Variants in CLSTN2 observed in about 807,000 individuals in gnomAD.
CLSTN2 encodes the protein calsyntenin-2.
A neutral mutation model predicts 101.2 loss-of-function variants in CLSTN2; 48 were observed. The ratio of observed to expected loss-of-function variants is 0.47; its 90% CI spans 0.38 to 0.60. The LOEUF (loss-of-function observed/expected upper bound fraction) is 0.60, where lower values mean the gene tolerates loss of function less well. Ranked by LOEUF, CLSTN2 falls within the 20% of genes least tolerant of loss-of-function variation. The pLI is 0.00. For missense variants in CLSTN2, 1,160 were observed against 1,238.2 expected, an observed-to-expected ratio of 0.94 and a Z score of 0.95; for synonymous variants, 481 against 463.6, an observed-to-expected ratio of 1.04 and a Z score of -0.48.
At chr3:140,355,559 T>G (rs76782475) in intron 2 of CLSTN2, among the ~76,000 whole-genome samples, 2,526 of 152,302 alleles carry the variant, frequency 0.017, 64 homozygotes, top group African/African-American at 0.058. Flanking sequence ...CTGCTAAATT[T>G]CAGGGATGAA....
In CLSTN2 at chr3:140,270,457, C is replaced by T. The variant is rs1295004983; in HGVS notation, c.232+94384C>T. ...AGGGTCCCTGGTTGGGAGGTGTCTG[C>T]CGTCCGGTTGTTAGGGAAGAATTTA... On this transcript the variant is annotated intron_variant, in intron 2 of 16. Coordinates refer to ENST00000458420, the MANE Select transcript of CLSTN2 (RefSeq NM_022131.3). Among the ~76,000 whole-genome samples the T allele has an allele frequency of 4.6e-5, 7 of 152,250 alleles. No individual in the cohort carries two copies. The East Asian group carries it at 9.6e-4, about 21-fold the overall frequency.
At chr3:140,061,170 G>A (rs375769002) in intron 1 of CLSTN2, among the ~76,000 whole-genome samples, 34 of 152,140 alleles carry the variant, frequency 2.2e-4, no homozygotes, top group African/African-American at 8.2e-4. Context: ...TTCTCAAAGT[G>A]AGCTTTTCTG....
rs753756235 is a variant in CLSTN2, at chr3:140,176,076, G to A, written c.232+3G>A. On this transcript the variant is annotated splice_donor_region_variant and intron_variant, in intron 2 of 16. Transcript: ENST00000458420. The stretch of plus-strand genomic sequence containing the variant: ...AGATGCACCGGTTCCTTTTGCAGGT[G>A]AGATTATGGCTTCGTACGGCTGGGC... 2.0e-5 allele frequency: 32 copies of A among 1,613,602 alleles called. No individual in the cohort carries two copies. Among genetic ancestry groups the A allele is most frequent in the Non-Finnish European group, 2.5e-5 (30 of 1,179,792 alleles).
At chr3:140,540,169 C>T (rs950532394) in intron 9 of CLSTN2, among the ~76,000 whole-genome samples, 3 of 152,144 alleles carry the variant, frequency 2.0e-5, no homozygotes, top group Non-Finnish European at 2.9e-5. Flanking sequence ...TCCAACTCCA[C>T]GAGTTTAGGT....
chr3:140,202,677 G>A (rs147515153), intron 2 of CLSTN2, among the ~76,000 whole-genome samples: 2 of 152,294 alleles, frequency 1.3e-5, no homozygotes, highest in South Asian at 2.1e-4. Flanking sequence ...TTTAGGCCAC[G>A]GGACATTCAG....
chr3:140,263,510 G>T (rs1576490199), intron 2 of CLSTN2, among the ~76,000 whole-genome samples: 1 of 152,246 alleles, frequency 6.6e-6, no homozygotes, highest in Non-Finnish European at 1.5e-5. Flanking sequence ...CTAAGCTTTG[G>T]GCAATGAAGT....
chr3:140,329,655 G>A (rs761584011), intron 2 of CLSTN2, among the ~76,000 whole-genome samples: 43 of 152,038 alleles, frequency 2.8e-4, no homozygotes, highest in Non-Finnish European at 5.0e-4. Context: ...GATTTTATAG[G>A]CATAAGCACT....
Position 140,215,710 on chromosome 3 carries a change from C to T in CLSTN2, c.232+39637C>T, listed in dbSNP as rs545092951. Among the ~76,000 whole-genome samples, 7 of 152,306 alleles carry T rather than the reference C, an allele frequency of 4.6e-5. No homozygotes were observed. In the South Asian group the frequency reaches 1.5e-3, roughly 32 times the overall value. ...AATAATCATGCACAAGTAACTTACC[C>T]TCCCTGTGTTTCAGCTTCCTTATCT... is the stretch of plus-strand genomic sequence containing the variant. On this transcript the variant is annotated intron_variant, in intron 2 of 16. Transcript: ENST00000458420.
chr3:140,245,719 A>G (rs1051070301), intron 2 of CLSTN2, among the ~76,000 whole-genome samples: 5 of 152,166 alleles, frequency 3.3e-5, no homozygotes, highest in African/African-American at 1.2e-4. Flanking sequence ...AGATCACAAT[A>G]AGTAGATCTT....
intron 4 of CLSTN2, among the ~76,000 whole-genome samples, chr3:140,414,948 A>G (rs2088411488): frequency 6.6e-6 from 1 of 152,058 alleles, no homozygotes. Flanking sequence ...TTGCAAAGCT[A>G]TAGTAATAAA....
intron 4 of CLSTN2, among the ~76,000 whole-genome samples, chr3:140,417,754 GA>G (rs1181836432): frequency 1.3e-5 from 2 of 152,176 alleles, no homozygotes; most frequent in Admixed American, 6.5e-5. Context: ...CAAAACAGGT[GA>G]CTTTTCTGAG....
At position 140,552,949 on chromosome 3, in the gene CLSTN2, T is replaced by C. The variant is rs547845761; in HGVS notation, c.1675-3564T>C. Among the ~76,000 whole-genome samples the C allele has an allele frequency of 2.6e-5, 4 of 152,314 alleles. 1 individual carries two copies. In the South Asian group the frequency reaches 8.3e-4, roughly 32 times the overall value. On this transcript the variant is annotated intron_variant, in intron 10 of 16. Transcript: ENST00000458420. Reference sequence around the variant, plus strand: ...AACAAGGACCTTGGGTCTTCTCAAATCTGAAACTGATGACTTGCGAATACC... The same window carrying C: ...AACAAGGACCTTGGGTCTTCTCAAACCTGAAACTGATGACTTGCGAATACC...
intron 1 of CLSTN2, among the ~76,000 whole-genome samples, chr3:140,038,105 C>T (rs2007694484): frequency 2.6e-5 from 4 of 152,120 alleles, no homozygotes. Flanking sequence ...GCCTCTAGGT[C>T]TTTGAGGAAT....
intron 2 of CLSTN2, among the ~76,000 whole-genome samples, chr3:140,218,591 C>A (rs554144678): frequency 4.3e-4 from 65 of 152,182 alleles, no homozygotes; most frequent in African/African-American, 1.3e-3. Context: ...TTAAAAAAAA[C>A]CTTCCTGATT....
chr3:140,146,088 C>T (rs75625042), intron 1 of CLSTN2, among the ~76,000 whole-genome samples: 1 of 152,234 alleles, frequency 6.6e-6, no homozygotes, highest in Admixed American at 6.5e-5. Context: ...CTGTCACCCT[C>T]TGGTGAGGTA....
Position 140,546,738 on chromosome 3 carries a change from G to A in CLSTN2, c.1674+57G>A, listed in dbSNP as rs1935595174. 4 of 1,465,694 alleles carry A rather than the reference G, an allele frequency of 2.7e-6. No individual in the cohort carries two copies. In the South Asian group the frequency reaches 5.4e-5, roughly 20 times the overall value. The allele number at this position is 1,465,694 out of a possible 1,614,324, so 90.8% of individuals were successfully genotyped here. ...GACAGGGATTCATGATGCCCAGCCT[G>A]CACAGCGCCAGCACACGCCAGGAAA... On this transcript the variant is annotated intron_variant, in intron 10 of 16. Transcript: ENST00000458420.
intron 1 of CLSTN2, among the ~76,000 whole-genome samples, chr3:140,051,469 T>A (rs1382445166): frequency 6.6e-6 from 1 of 152,184 alleles, no homozygotes; most frequent in Non-Finnish European, 1.5e-5. Context: ...CTCCTTATTC[T>A]TACCCCGCCT....
chr3:140,054,458 A>C (rs969456194), intron 1 of CLSTN2, among the ~76,000 whole-genome samples: 1 of 152,196 alleles, frequency 6.6e-6, no homozygotes, highest in Non-Finnish European at 1.5e-5. Context: ...GTAGCATTGA[A>C]GGTAAATAAT....
At chr3:140,293,672 A>T (rs1043925756) in intron 2 of CLSTN2, among the ~76,000 whole-genome samples, 2 of 152,122 alleles carry the variant, frequency 1.3e-5, no homozygotes, top group Admixed American at 1.3e-4. Flanking sequence ...TTATCCTGAG[A>T]GATGAAGAAG....
Sources: allele counts gnomAD v4.1 joint callset (sites outside exome capture counted in the v4.1 genomes callset), GRCh38; gene constraint gnomAD v4.1.1; transcripts MANE v1.5; gene names NCBI Gene and HGNC (gene_info 2026-07-23, HGNC 2026-07-21).